ANKS1B: variants seen among roughly 807,000 people sequenced by gnomAD.
ANKS1B encodes ankyrin repeat and sterile alpha motif domain-containing protein 1B.
ANKS1B carries 36 observed loss-of-function variants against 148.3 expected under a neutral mutation model. The ratio of observed to expected loss-of-function variants is 0.24; its 90% CI spans 0.19 to 0.32. ANKS1B has a LOEUF of 0.32. Ranked by LOEUF, ANKS1B falls within the 10% of genes least tolerant of loss-of-function variation. ANKS1B has a pLI of 1.00. For synonymous variants in ANKS1B, 542 were observed against 560.8 expected, an observed-to-expected ratio of 0.97 and a Z score of 0.47; for missense variants, 1,157 against 1,542.6, an observed-to-expected ratio of 0.75 and a Z score of 4.19.
At chr12:99,126,129 C>G (rs1459277454) in intron 15 of ANKS1B, among the ~76,000 whole-genome samples, 1 of 152,160 alleles carries the variant, frequency 6.6e-6, no homozygotes, top group Non-Finnish European at 1.5e-5. Context: ...TTGTCATTCA[C>G]ATGGTTCCAG....
chr12:99,125,048 C>T (rs558809508), intron 15 of ANKS1B, among the ~76,000 whole-genome samples: 1 of 152,104 alleles, frequency 6.6e-6, no homozygotes, highest in African/African-American at 2.4e-5. Flanking sequence ...AAAAATTGGA[C>T]AGTAACTGGG....
intron 9 of ANKS1B, among the ~76,000 whole-genome samples, chr12:99,524,536 G>A (rs1031383345): frequency 6.6e-6 from 1 of 152,186 alleles, no homozygotes; most frequent in African/African-American, 2.4e-5. Context: ...TGCAACACGA[G>A]GTATCTGACT....
At chr12:99,241,349 A>C (rs1297739081) in intron 14 of ANKS1B, among the ~76,000 whole-genome samples, 2 of 152,228 alleles carry the variant, frequency 1.3e-5, no homozygotes, top group African/African-American at 4.8e-5. Context: ...CTAAACCAGG[A>C]AGAAGTTGAA....
At chr12:99,945,899 G>A (rs2095048228) in intron 1 of ANKS1B, among the ~76,000 whole-genome samples, 1 of 152,128 alleles carries the variant, frequency 6.6e-6, no homozygotes, top group African/African-American at 2.4e-5. Flanking sequence ...TGTCACTTTG[G>A]GACCAAAGCA....
intron 1 of ANKS1B, among the ~76,000 whole-genome samples, chr12:99,889,177 T>C (rs1012897520): frequency 5.3e-5 from 8 of 152,206 alleles, no homozygotes; most frequent in Non-Finnish European, 1.2e-4. Context: ...TATTACTCCG[T>C]ACCAAGCATC....
chr12:98,798,866 G>T (rs1375180766), intron 22 of ANKS1B, 68 bp downstream of exon 22: 1 of 1,312,328 alleles, frequency 7.6e-7, no homozygotes, highest in Non-Finnish European at 1.1e-6. Flanking sequence ...TTGAAAGGTG[G>T]CAATTTGTAT....
intron 9 of ANKS1B, among the ~76,000 whole-genome samples, chr12:99,527,375 C>T (rs909271239): frequency 6.6e-6 from 1 of 152,126 alleles, no homozygotes; most frequent in Non-Finnish European, 1.5e-5. Context: ...ATTTTAAAAT[C>T]ACGTACCCTT....
At chr12:99,569,809 C>A (rs913809852) in intron 9 of ANKS1B, among the ~76,000 whole-genome samples, 2 of 152,158 alleles carry the variant, frequency 1.3e-5, no homozygotes, top group African/African-American at 2.4e-5. Flanking sequence ...GTTGAGCCAG[C>A]CTGCCAGTTC....
At chr12:99,613,326 C>T (rs1323160292) in intron 9 of ANKS1B, among the ~76,000 whole-genome samples, 1 of 152,086 alleles carries the variant, frequency 6.6e-6, no homozygotes, top group Non-Finnish European at 1.5e-5. Context: ...TCAGAAATAT[C>T]ATTCAACCCA....
At chr12:98,905,807 G>A (rs543692492) in intron 17 of ANKS1B, among the ~76,000 whole-genome samples, 6 of 151,678 alleles carry the variant, frequency 4.0e-5, no homozygotes, top group South Asian at 2.1e-4. Context: ...GACATGAGAC[G>A]TAGGAGCCAG....
intron 9 of ANKS1B, among the ~76,000 whole-genome samples, chr12:99,515,282 T>C (rs553562463): frequency 1.7e-4 from 26 of 152,166 alleles, no homozygotes; most frequent in African/African-American, 5.3e-4. Flanking sequence ...TTTCTAACTA[T>C]GTTTTGAACC....
intron 15 of ANKS1B, among the ~76,000 whole-genome samples, chr12:99,145,005 C>T (rs1321489158): frequency 6.6e-6 from 1 of 152,054 alleles, no homozygotes; most frequent in East Asian, 1.9e-4. Context: ...GATATGAAGA[C>T]CTACTATGTG....
intron 17 of ANKS1B, among the ~76,000 whole-genome samples, chr12:98,869,089 G>A (rs1292334177): frequency 6.6e-6 from 1 of 152,174 alleles, no homozygotes; most frequent in African/African-American, 2.4e-5. Context: ...ATGGTAGCTT[G>A]TTCTTTGGCC....
intron 17 of ANKS1B, among the ~76,000 whole-genome samples, chr12:99,044,779 G>A (rs187038306): frequency 6.6e-6 from 1 of 152,286 alleles, no homozygotes; most frequent in East Asian, 1.9e-4. Context: ...ATGGATCATA[G>A]AAAGCTCTTA....
intron 9 of ANKS1B, among the ~76,000 whole-genome samples, chr12:99,548,384 A>G (rs1291413020): frequency 6.6e-6 from 1 of 152,160 alleles, no homozygotes; most frequent in Non-Finnish European, 1.5e-5. Context: ...CCAACAGTTT[A>G]GCACATTAGG....
intron 8 of ANKS1B, among the ~76,000 whole-genome samples, chr12:99,675,880 T>C (rs962641251): frequency 3.3e-5 from 5 of 152,184 alleles, no homozygotes; most frequent in African/African-American, 9.7e-5. Flanking sequence ...AAAATTTTCA[T>C]GAAAATTAAG....
intron 9 of ANKS1B, among the ~76,000 whole-genome samples, chr12:98,738,176 C>T (rs1435813545): frequency 6.6e-6 from 1 of 152,200 alleles, no homozygotes; most frequent in Non-Finnish European, 1.5e-5. Context: ...TGACTTGCTC[C>T]TGAGTCAAAT....
chr12:99,793,296 T>C (rs1368181071), intron 4 of ANKS1B, among the ~76,000 whole-genome samples: 2 of 151,966 alleles, frequency 1.3e-5, no homozygotes, highest in Non-Finnish European at 2.9e-5. Context: ...GCAATACCTA[T>C]CAACATACCA....
At chr12:99,632,771 T>TTTTA (rs71088133) in intron 9 of ANKS1B, among the ~76,000 whole-genome samples, 22 of 50,768 alleles carry the variant, frequency 4.3e-4, no homozygotes, top group African/African-American at 1.2e-3. Flanking sequence ...ATATATATTT[T>TTTTA]AATTATACTT....
Sources: allele counts gnomAD v4.1 joint callset (sites outside exome capture counted in the v4.1 genomes callset), GRCh38; gene constraint gnomAD v4.1.1; transcripts MANE v1.5; gene names NCBI Gene and HGNC (gene_info 2026-07-23, HGNC 2026-07-21).